The following ROBO2 variants were observed in gnomAD, a reference collection of about 807,000 sequenced individuals.
ROBO2 encodes roundabout guidance receptor 2.
ROBO2 carries 53 observed loss-of-function variants against 160.8 expected under a neutral mutation model. The ratio of observed to expected loss-of-function variants is 0.33; its 90% confidence interval spans 0.26 to 0.41. ROBO2 has a LOEUF of 0.41. Among genes scored for constraint, ROBO2 ranks in the 10% least tolerant of loss-of-function variants. ROBO2 has a pLI of 1.00. For missense variants in ROBO2, 1,577 were observed against 1,722.4 expected (o/e 0.92, Z 1.49); for synonymous variants, 664 against 611.7 (o/e 1.09, Z -1.26).
intron 2 of ROBO2, among the ~76,000 whole-genome samples, chr3:75,975,844 A>C (rs1018787326): frequency 6.6e-6 from 1 of 151,596 alleles, no homozygotes; most frequent in African/African-American, 2.4e-5. Context: ...GATACTTACT[A>C]ATGGGAGACA....
At chr3:77,197,772 T>A (rs1018317529) in intron 2 of ROBO2, among the ~76,000 whole-genome samples, 23 of 152,208 alleles carry the variant, frequency 1.5e-4, no homozygotes, top group Non-Finnish European at 3.1e-4. Flanking sequence ...TTTGATTTAA[T>A]TAGGGCCTTG....
intron 2 of ROBO2, among the ~76,000 whole-genome samples, chr3:76,411,387 T>C (rs2075477544): frequency 6.6e-6 from 1 of 152,008 alleles, no homozygotes; most frequent in African/African-American, 2.4e-5. Flanking sequence ...ACATACAAAA[T>C]AAATTGAAAT....
chr3:76,368,761 A>G (rs2075959902), intron 2 of ROBO2, among the ~76,000 whole-genome samples: 1 of 151,950 alleles, frequency 6.6e-6, no homozygotes, highest in African/African-American at 2.4e-5. Context: ...CGTGGGATCT[A>G]TGTTCCCCTC....
intron 2 of ROBO2, among the ~76,000 whole-genome samples, chr3:76,905,115 T>A (rs991084328): frequency 5.9e-5 from 9 of 152,178 alleles, no homozygotes; most frequent in Non-Finnish European, 1.2e-4. Context: ...CTCTTAGACA[T>A]TACTTTGCAA....
At chr3:77,199,862 A>G (rs1301188384) in intron 2 of ROBO2, among the ~76,000 whole-genome samples, 1 of 151,466 alleles carries the variant, frequency 6.6e-6, no homozygotes, top group African/African-American at 2.4e-5. Flanking sequence ...TCCTGTGCTC[A>G]AGTGATCCTC....
intron 2 of ROBO2, among the ~76,000 whole-genome samples, chr3:77,016,244 G>A (rs112237879): frequency 0.053 from 8,124 of 152,148 alleles, 245 homozygotes; most frequent in Middle Eastern, 0.092. Flanking sequence ...CAAAGTGCTG[G>A]GATTACAGGC....
chr3:76,832,345 C>T (rs948265370), intron 2 of ROBO2, among the ~76,000 whole-genome samples: 2 of 152,102 alleles, frequency 1.3e-5, no homozygotes, highest in Non-Finnish European at 2.9e-5. Context: ...GAAATTATAG[C>T]ACACTTATTA....
intron 2 of ROBO2, among the ~76,000 whole-genome samples, chr3:77,171,035 C>A (rs1043178267): frequency 6.6e-6 from 1 of 152,020 alleles, no homozygotes; most frequent in Non-Finnish European, 1.5e-5. Flanking sequence ...AGGGATGTGC[C>A]GGTGAGACTG....
intron 2 of ROBO2, among the ~76,000 whole-genome samples, chr3:76,630,639 G>C (rs1000527492): frequency 6.6e-6 from 1 of 152,196 alleles, no homozygotes; most frequent in African/African-American, 2.4e-5. Flanking sequence ...ACTGTATCAT[G>C]CAGAGATTTT....
intron 2 of ROBO2, among the ~76,000 whole-genome samples, chr3:76,583,220 T>C (rs1361831596): frequency 6.6e-6 from 1 of 152,188 alleles, no homozygotes; most frequent in African/African-American, 2.4e-5. Context: ...GTTTTAACTA[T>C]GTGTTTCCAG....
intron 5 of ROBO2, among the ~76,000 whole-genome samples, chr3:77,519,354 T>A (rs937610731): frequency 6.6e-6 from 1 of 151,408 alleles, no homozygotes; most frequent in East Asian, 1.9e-4. Flanking sequence ...TAATTTTTTT[T>A]AAATTTCAAC....
chr3:76,265,973 A>G (rs1364902365), intron 2 of ROBO2, among the ~76,000 whole-genome samples: 3 of 152,202 alleles, frequency 2.0e-5, no homozygotes, highest in African/African-American at 7.2e-5. Flanking sequence ...CTCTTCAAGA[A>G]TATAATTTTA....
At position 76,872,688 on chromosome 3, in the gene ROBO2, T is replaced by C. The variant is rs912916522; in HGVS notation, c.110-225326T>C. Among the ~76,000 whole-genome samples the C allele has an allele frequency of 8.6e-5, 13 of 152,030 alleles. No homozygotes were observed. In the East Asian group the frequency reaches 2.5e-3, roughly 29 times the overall value. On this transcript the variant is annotated intron_variant, in intron 2 of 26. Transcript: ENST00000487694. ...CAGGATATTTTTTCTATGTTTTCTA[T>C]AAATTTTAAATATGAATGAAGTGCA...
chr3:76,814,808 A>G (rs1163827586), intron 2 of ROBO2, among the ~76,000 whole-genome samples: 1 of 152,104 alleles, frequency 6.6e-6, no homozygotes, highest in Non-Finnish European at 1.5e-5. Context: ...TAGAAATAAC[A>G]TGTAAGAATA....
intron 2 of ROBO2, among the ~76,000 whole-genome samples, chr3:76,029,738 G>T (rs2107700889): frequency 6.6e-6 from 1 of 152,222 alleles, no homozygotes. Context: ...GTGTATATGT[G>T]CCACATTTTG....
chr3:76,381,010 C>A, intron 2 of ROBO2, among the ~76,000 whole-genome samples: 1 of 145,012 alleles, frequency 6.9e-6, no homozygotes, highest in Non-Finnish European at 1.5e-5. Context: ...GCTCTGAAAG[C>A]ATTTACAGCT....
intron 2 of ROBO2, among the ~76,000 whole-genome samples, chr3:76,213,337 A>T (rs984367277): frequency 2.4e-4 from 37 of 152,278 alleles, no homozygotes; most frequent in African/African-American, 8.2e-4. Context: ...ATCCTAAACT[A>T]GTCTTTTAAA....
At chr3:76,041,534 T>C (rs1310026236) in intron 2 of ROBO2, among the ~76,000 whole-genome samples, 1 of 152,072 alleles carries the variant, frequency 6.6e-6, no homozygotes, top group Non-Finnish European at 1.5e-5. Flanking sequence ...TTAAGAAACA[T>C]ATGTGTATTT....
chr3:76,219,884 T>G (rs1242721473), intron 2 of ROBO2, among the ~76,000 whole-genome samples: 1 of 151,996 alleles, frequency 6.6e-6, no homozygotes, highest in Non-Finnish European at 1.5e-5. Context: ...ACACATATGT[T>G]TACTGCAGCA....
Sources: allele counts gnomAD v4.1 joint callset (sites outside exome capture counted in the v4.1 genomes callset), GRCh38; gene constraint gnomAD v4.1.1; transcripts MANE v1.5; gene names NCBI Gene and HGNC (gene_info 2026-07-23, HGNC 2026-07-21).